Variants in CAMTA1 observed in about 807,000 individuals in gnomAD.
CAMTA1 encodes calmodulin binding transcription activator 1, also known as calmodulin-binding transcription activator 1.
Under a neutral mutation model 170.9 loss-of-function variants are expected in CAMTA1, and 27 were observed. The ratio of observed to expected loss-of-function variants is 0.16; its 90% CI spans 0.12 to 0.22. The LOEUF is 0.22. Among genes scored for constraint, CAMTA1 ranks in the 10% least tolerant of loss-of-function variants. The pLI is 1.00. For synonymous variants in CAMTA1, 833 were observed against 891.5 expected (o/e 0.93, Z 1.17); for missense variants, 1,619 against 2,217.2 (o/e 0.73, Z 5.42).
intron 5 of CAMTA1, among the ~76,000 whole-genome samples, chr1:7,310,707 TTTC>T (rs1676550254): frequency 1.6e-5 from 1 of 61,834 alleles, no homozygotes; most frequent in African/African-American, 1.4e-4. Context: ...TCTCTCTTTC[TTTC>T]TTTCTTTCTT....
At chr1:7,098,899 C>T (rs1400215818) in intron 4 of CAMTA1, among the ~76,000 whole-genome samples, 1 of 152,106 alleles carries the variant, frequency 6.6e-6, no homozygotes, top group Non-Finnish European at 1.5e-5. Context: ...GGGTTGGCCT[C>T]CATCCCACCC....
chr1:7,540,364 T>A (rs996004891), intron 6 of CAMTA1, among the ~76,000 whole-genome samples: 1 of 151,928 alleles, frequency 6.6e-6, no homozygotes, highest in Non-Finnish European at 1.5e-5. Context: ...GGGGACCAGA[T>A]TTTACCAGGA....
chr1:6,841,075 A>G (rs979779836), intron 3 of CAMTA1, among the ~76,000 whole-genome samples: 1 of 152,122 alleles, frequency 6.6e-6, no homozygotes, highest in African/African-American at 2.4e-5. Context: ...GAGTCTGCTT[A>G]ATGTTCCTTG....
chr1:7,603,696 T>G lies in CAMTA1; in HGVS notation c.511-36704T>G, dbSNP rs1249525172. Among the ~76,000 whole-genome samples the G allele has an allele frequency of 2.0e-5, 3 of 152,186 alleles. No individual in the cohort carries two copies. The East Asian group carries it at 5.8e-4, about 29-fold the overall frequency. ...AGCCCATTTACACTTAAGGTTAATA[T>G]TATTATGTGTGAATTTGATCCTGTC... On this transcript the variant is annotated intron_variant, in intron 6 of 22. Coordinates refer to ENST00000303635, the MANE Select transcript of CAMTA1 (RefSeq NM_015215.4).
intron 21 of CAMTA1, 147 bp downstream of exon 21, chr1:7,752,680 T>C (rs2096905853): frequency 1.6e-6 from 1 of 613,832 alleles, no homozygotes; most frequent in Admixed American, 3.4e-5. Context: ...GCGGTAGAGC[T>C]CTTTAACTAG....
intron 4 of CAMTA1, among the ~76,000 whole-genome samples, chr1:7,105,937 CT>C (rs1403383507): frequency 2.4e-5 from 3 of 125,120 alleles, no homozygotes; most frequent in Non-Finnish European, 5.2e-5. Context: ...GAGACCATGT[CT>C]CAAAAAAAAA....
intron 4 of CAMTA1, among the ~76,000 whole-genome samples, chr1:7,164,646 C>G (rs1647994226): frequency 6.6e-6 from 1 of 152,238 alleles, no homozygotes. Flanking sequence ...ATATTTGCAG[C>G]TTTGAAAGCC....
At chr1:7,407,068 C>G (rs2090348302) in intron 5 of CAMTA1, among the ~76,000 whole-genome samples, 1 of 152,208 alleles carries the variant, frequency 6.6e-6, no homozygotes, top group Non-Finnish European at 1.5e-5. Flanking sequence ...CGAGAGACAT[C>G]AGGCGGCTGC....
At chr1:7,703,161 A>T (rs1258457929) in intron 11 of CAMTA1, among the ~76,000 whole-genome samples, 1 of 152,214 alleles carries the variant, frequency 6.6e-6, no homozygotes, top group Non-Finnish European at 1.5e-5. Flanking sequence ...GGTTCTGCTG[A>T]GAGCGTCAGG....
At chr1:7,554,092 A>G (rs2150203968) in intron 6 of CAMTA1, among the ~76,000 whole-genome samples, 1 of 149,614 alleles carries the variant, frequency 6.7e-6, no homozygotes, top group East Asian at 1.9e-4. Context: ...AAATAAATGT[A>G]GAAGATGGCC....
At chr1:7,499,113 A>G (rs2093912346) in intron 6 of CAMTA1, among the ~76,000 whole-genome samples, 1 of 135,888 alleles carries the variant, frequency 7.4e-6, no homozygotes, top group African/African-American at 2.7e-5. Flanking sequence ...GTGAGTGTGT[A>G]GAGAGGATGG....
intron 5 of CAMTA1, among the ~76,000 whole-genome samples, chr1:7,415,224 A>G (rs2091076950): frequency 6.6e-6 from 1 of 152,004 alleles, no homozygotes; most frequent in African/African-American, 2.4e-5. Context: ...GCTGAAAAAA[A>G]TGTATATTCT....
chr1:7,253,720 A>G (rs1322427704), intron 5 of CAMTA1, among the ~76,000 whole-genome samples: 1 of 152,166 alleles, frequency 6.6e-6, no homozygotes, highest in Non-Finnish European at 1.5e-5. Flanking sequence ...CAGAGCTGGT[A>G]CTTGAGCCTG....
At chr1:6,870,715 G>A (rs1668167430) in intron 3 of CAMTA1, among the ~76,000 whole-genome samples, 1 of 152,142 alleles carries the variant, frequency 6.6e-6, no homozygotes, top group Admixed American at 6.5e-5. Context: ...TCCTGGTTAT[G>A]CTCCTGCCAT....
chr1:7,704,685 C>T (rs1358457044), intron 11 of CAMTA1, among the ~76,000 whole-genome samples: 3 of 148,342 alleles, frequency 2.0e-5, no homozygotes, highest in Non-Finnish European at 3.0e-5. Flanking sequence ...ACCGCCGCGC[C>T]CCGCCATTGG....
intron 3 of CAMTA1, among the ~76,000 whole-genome samples, chr1:6,872,721 C>A (rs2148999177): frequency 6.6e-6 from 1 of 152,244 alleles, no homozygotes; most frequent in South Asian, 2.1e-4. Context: ...AGACAGAAAC[C>A]AAACTTGAGT....
rs78752371 is a variant in CAMTA1 at position 7,680,406 on chromosome 1, G to T, written c.2914+2673G>T. Among the ~76,000 whole-genome samples, 24,727 of 152,062 alleles carry T rather than the reference G, an allele frequency of 0.16. 2,187 individuals carry two copies. Among genetic ancestry groups the T allele is most frequent in the South Asian group, 0.28 (1,333 of 4,826 alleles). ...GGGGTGGGCGCCAGGGGACTGCAGC[G>T]CGGAGCAAACTGGGGCACGGCTGCC... On this transcript the variant is annotated intron_variant, in intron 11 of 22. Coordinates refer to ENST00000303635, the MANE Select transcript of CAMTA1 (RefSeq NM_015215.4). The surrounding 1 kb of genome is among the most constrained non-coding windows in gnomAD (Gnocchi z 4.4).
intron 3 of CAMTA1, among the ~76,000 whole-genome samples, chr1:6,883,496 AGGT>A: frequency 6.6e-6 from 1 of 152,154 alleles, no homozygotes; most frequent in Non-Finnish European, 1.5e-5. Flanking sequence ...GGATTTTGCC[AGGT>A]GAGTACAGTG....
At chr1:7,210,349 T>A (rs1351002644) in intron 4 of CAMTA1, among the ~76,000 whole-genome samples, 2 of 152,194 alleles carry the variant, frequency 1.3e-5, no homozygotes, top group African/African-American at 4.8e-5. Context: ...GTCAGATGTT[T>A]CCTTAGGACC....
Sources: gnomAD v4.1 joint callset for allele counts (sites outside exome capture counted in the v4.1 genomes callset) on GRCh38, gnomAD v4.1.1 for gene constraint, Gnocchi (gnomAD v3.1) non-coding constraint, MANE v1.5 for transcripts, NCBI Gene and HGNC (gene_info 2026-07-23, HGNC 2026-07-21) for gene names.